GSTCD: variants seen among roughly 807,000 people sequenced by gnomAD.
GSTCD encodes the protein glutathione S-transferase C-terminal domain containing.
Under a neutral mutation model 68.3 loss-of-function variants are expected in GSTCD, and 44 were observed. The ratio of observed to expected loss-of-function variants is 0.64; its 90% CI spans 0.51 to 0.83. The LOEUF is 0.83. GSTCD is among the 40% of genes least tolerant of loss of function. The probability of loss-of-function intolerance (pLI) is 0.00; values close to 1 mark genes in which losing one functional copy is unlikely to be tolerated. For synonymous variants in GSTCD, 273 were observed against 255.2 expected (o/e 1.07, Z -0.67); for missense variants, 739 against 735.9 (o/e 1.00, Z -0.05).
intron 2 of GSTCD, 71 bp from the exon 3 acceptor site, chr4:105,718,989 C>A: frequency 8.4e-7 from 1 of 1,186,894 alleles, no homozygotes; most frequent in Non-Finnish European, 1.2e-6. Context: ...CCCAATAAGA[C>A]AGTTATTTTT....
rs563575820 is a variant in GSTCD at position 105,841,794 on chromosome 4, T to C, written c.1696-271T>C. 2.0e-5 allele frequency among the ~76,000 whole-genome samples: 3 copies of C among 152,276 alleles called. No homozygotes were observed. In the East Asian group the frequency reaches 5.8e-4, roughly 29 times the overall value. ...GGAGTCTGGGAGACGAAGGTTGCAG[T>C]GAGCCAAGATTGCGCCACTGCACTC... On this transcript the variant is annotated intron_variant, in intron 10 of 11. Transcript: ENST00000515279.
At chr4:105,828,299 G>A (rs1316471128) in intron 8 of GSTCD, among the ~76,000 whole-genome samples, 1 of 152,092 alleles carries the variant, frequency 6.6e-6, no homozygotes, top group African/African-American at 2.4e-5. Context: ...TTCTATTTAT[G>A]TATGTATGTT....
chr4:105,796,349 G>A (rs1012242150), intron 5 of GSTCD, among the ~76,000 whole-genome samples: 25 of 152,136 alleles, frequency 1.6e-4, no homozygotes, highest in African/African-American at 5.6e-4. Flanking sequence ...CATGACATGT[G>A]GGAATTGTGG....
intron 5 of GSTCD, among the ~76,000 whole-genome samples, chr4:105,822,539 C>A (rs1723355209): frequency 6.6e-6 from 1 of 152,042 alleles, no homozygotes; most frequent in Admixed American, 6.6e-5. Context: ...GTACTCTTTA[C>A]AATATGTCTC....
Position 105,797,441 on chromosome 4 carries a change from A to T in GSTCD, c.1241-25513A>T, listed in dbSNP as rs77841626. ...CACATGAAAGTTGTGTTTACACTAT[A>T]CTGTAGTCCATTGTGCAATAGCATT... On this transcript the variant is annotated intron_variant, in intron 5 of 11. Coordinates refer to ENST00000515279, the MANE Select transcript of GSTCD (RefSeq NM_001370181.1). 4.6e-3 allele frequency among the ~76,000 whole-genome samples: 700 copies of T among 152,274 alleles called. 29 individuals are homozygous for T. The East Asian group carries it at 0.11, about 24-fold the overall frequency.
chr4:105,725,736 A>C (rs967332759), intron 3 of GSTCD, among the ~76,000 whole-genome samples: 1 of 152,144 alleles, frequency 6.6e-6, no homozygotes, highest in African/African-American at 2.4e-5. Flanking sequence ...AACGTATAAG[A>C]CACATCACTA....
At chr4:105,835,671 G>A (rs1012318851) in intron 9 of GSTCD, among the ~76,000 whole-genome samples, 7 of 152,190 alleles carry the variant, frequency 4.6e-5, no homozygotes, top group East Asian at 1.9e-4. Flanking sequence ...GCAACATGGC[G>A]AGTGGGTGTA....
chr4:105,776,073 G>A (rs761159704), intron 5 of GSTCD, among the ~76,000 whole-genome samples: 9 of 152,210 alleles, frequency 5.9e-5, no homozygotes, highest in Non-Finnish European at 1.2e-4. Flanking sequence ...AGACAGTCTG[G>A]CTACAGCAGC....
At chr4:105,724,107 C>A (rs1329332046) in intron 3 of GSTCD, among the ~76,000 whole-genome samples, 2 of 151,672 alleles carry the variant, frequency 1.3e-5, no homozygotes, top group Non-Finnish European at 3.0e-5. Flanking sequence ...TGAAATATAT[C>A]TGTAGAGATT....
intron 5 of GSTCD, among the ~76,000 whole-genome samples, chr4:105,755,781 T>G (rs1263057206): frequency 6.6e-6 from 1 of 152,210 alleles, no homozygotes; most frequent in East Asian, 1.9e-4. Context: ...AGATAAATTA[T>G]TCAAGAAAAT....
At chr4:105,812,909 T>C (rs568857372) in intron 5 of GSTCD, among the ~76,000 whole-genome samples, 2 of 152,264 alleles carry the variant, frequency 1.3e-5, no homozygotes, top group African/African-American at 4.8e-5. Context: ...GTTATATTTA[T>C]TTATTTTTCT....
intron 5 of GSTCD, chr4:105,746,120 A>C (rs1578430818): frequency 6.6e-6 from 1 of 152,318 alleles, no homozygotes; most frequent in East Asian, 1.9e-4. Context: ...TTGACTCCCC[A>C]AAAACTTAAT....
chr4:105,837,286 T>C (rs1466963774), intron 9 of GSTCD, among the ~76,000 whole-genome samples: 1 of 152,014 alleles, frequency 6.6e-6, no homozygotes, highest in Non-Finnish European at 1.5e-5. Flanking sequence ...CAGGCCACTA[T>C]CCCCCTGCCC....
intron 5 of GSTCD, among the ~76,000 whole-genome samples, chr4:105,739,799 T>A (rs1296735602): frequency 1.3e-5 from 2 of 152,288 alleles, no homozygotes; most frequent in East Asian, 3.9e-4. Context: ...GGCATCATTT[T>A]CCTTAGAGGC....
intron 5 of GSTCD, among the ~76,000 whole-genome samples, chr4:105,749,057 T>A (rs529562793): frequency 6.6e-6 from 1 of 152,048 alleles, no homozygotes; most frequent in East Asian, 1.9e-4. Flanking sequence ...AAAAAAGTAA[T>A]GTACCATATA....
Position 105,794,916 on chromosome 4 carries a change from G to A in GSTCD, c.1241-28038G>A, listed in dbSNP as rs149548763. 2.5e-3 allele frequency among the ~76,000 whole-genome samples: 381 copies of A among 149,446 alleles called. 7 individuals carry two copies. Among genetic ancestry groups the A allele is most frequent in the African/African-American group, 9.0e-3 (364 of 40,516 alleles). ...CTATGAGACAGAGTCTCACTCTGTCGCCCAGGCTGGAGTGCAGTGGCGGGC... is the reference window on the plus strand; with the variant it reads ...CTATGAGACAGAGTCTCACTCTGTCACCCAGGCTGGAGTGCAGTGGCGGGC... On this transcript the variant is annotated intron_variant, in intron 5 of 11. Coordinates refer to ENST00000515279, the MANE Select transcript of GSTCD (RefSeq NM_001370181.1).
chr4:105,819,525 C>T (rs906503121), intron 5 of GSTCD, among the ~76,000 whole-genome samples: 1 of 151,718 alleles, frequency 6.6e-6, no homozygotes, highest in Non-Finnish European at 1.5e-5. Context: ...AAGTAGGTAT[C>T]TTACTTATTG....
chr4:105,717,486 G>A (rs1423386178), intron 1 of GSTCD, 107 bp from the exon 2 acceptor site: 2 of 726,278 alleles, frequency 2.8e-6, no homozygotes, highest in Middle Eastern at 4.0e-4. Context: ...ATTATCTACT[G>A]CAAATTTTTA....
At chr4:105,739,730 G>T (rs775103901) in intron 5 of GSTCD, among the ~76,000 whole-genome samples, 54 of 152,262 alleles carry the variant, frequency 3.5e-4, no homozygotes, top group Middle Eastern at 3.4e-3. Flanking sequence ...CTTCAGTTCT[G>T]GTCCAGAGAG....
Sources: gnomAD v4.1 joint callset for allele counts (sites outside exome capture counted in the v4.1 genomes callset) on GRCh38, gnomAD v4.1.1 for gene constraint, MANE v1.5 for transcripts, NCBI Gene and HGNC (gene_info 2026-07-23, HGNC 2026-07-21) for gene names.